The following ATXN7L1 variants were observed in gnomAD, a reference collection of about 807,000 sequenced individuals.
ATXN7L1 encodes the protein ataxin-7-like protein 1.
A neutral mutation model predicts 70.8 loss-of-function variants in ATXN7L1; 15 were observed. That is an observed-to-expected ratio of 0.21 (90% CI 0.14 to 0.33). The LOEUF is 0.33. ATXN7L1 is among the 10% of genes least tolerant of loss of function. ATXN7L1 has a pLI of 1.00. For missense variants in ATXN7L1, 975 were observed against 1,097.1 expected (o/e 0.89, Z 1.57); for synonymous variants, 440 against 445.1 (o/e 0.99, Z 0.14).
intron 3 of ATXN7L1, among the ~76,000 whole-genome samples, chr7:105,685,226 G>A (rs1356180583): frequency 6.6e-6 from 1 of 152,166 alleles, no homozygotes; most frequent in East Asian, 1.9e-4. Flanking sequence ...GAATGTCTAT[G>A]CTCTGAGGTT....
rs147354371 is a variant in ATXN7L1 at position 105,624,189 on chromosome 7, C to T, written c.1281G>A (p.Pro427=). The change falls in exon 8 of 12, where the codon CCG becomes CCA. Residue 427 remains proline, a synonymous_variant. Transcript: ENST00000419735. ...GTCGGCTGGCGAGGTCACCTCCAAC[C>T]GGTGGGAGTGGGGGCTCTGGAGTGT... is the stretch of plus-strand genomic sequence containing the variant. ...SGHTPEPPLP[P]VGGDLASRLS... The T allele has an allele frequency of 3.8e-4, 577 of 1,528,410 alleles. 2 individuals are homozygous for T. The African/African-American group carries it at 5.3e-3, about 14-fold the overall frequency. The allele number at this position is 1,528,410 out of a possible 1,614,324, so 94.7% of individuals were successfully genotyped here.
intron 3 of ATXN7L1, among the ~76,000 whole-genome samples, chr7:105,691,362 T>C (rs1790796143): frequency 6.6e-6 from 1 of 152,112 alleles, no homozygotes; most frequent in Non-Finnish European, 1.5e-5. Context: ...AAATTAATCA[T>C]CAAGAGCTAA....
At chr7:105,764,048 T>G (rs1462197922) in intron 3 of ATXN7L1, among the ~76,000 whole-genome samples, 1 of 152,064 alleles carries the variant, frequency 6.6e-6, no homozygotes, top group Non-Finnish European at 1.5e-5. Context: ...GAGATGGGGT[T>G]TCACCATGTT....
intron 2 of ATXN7L1, among the ~76,000 whole-genome samples, chr7:105,790,163 C>T (rs916107599): frequency 3.9e-5 from 6 of 152,176 alleles, no homozygotes; most frequent in East Asian, 3.9e-4. Context: ...TGGAGGAATT[C>T]GAGGGTGACT....
intron 4 of ATXN7L1, among the ~76,000 whole-genome samples, chr7:105,659,541 G>T (rs955818673): frequency 3.3e-5 from 5 of 152,198 alleles, no homozygotes; most frequent in Non-Finnish European, 7.3e-5. Flanking sequence ...TGGCAAGGAG[G>T]AAGTGAATGA....
chr7:105,660,576 C>CTTTTTTTTTTTTTTTTTTT (rs34008024), intron 4 of ATXN7L1, among the ~76,000 whole-genome samples: 1 of 78,140 alleles, frequency 1.3e-5, no homozygotes, highest in African/African-American at 5.3e-5. Flanking sequence ...CGGAAGTGAC[C>CTTTTTTTTTTTTTTTTTTT]TTTTTTTTTT....
At chr7:105,704,826 G>C (rs1356862017) in intron 3 of ATXN7L1, among the ~76,000 whole-genome samples, 1 of 151,804 alleles carries the variant, frequency 6.6e-6, no homozygotes, top group Non-Finnish European at 1.5e-5. Context: ...GGCCAGGCTG[G>C]TCTCAAACTC....
chr7:105,829,218 T>G (rs909536491), intron 2 of ATXN7L1, among the ~76,000 whole-genome samples: 1 of 152,098 alleles, frequency 6.6e-6, no homozygotes, highest in Non-Finnish European at 1.5e-5. Flanking sequence ...GGTCAGGAGT[T>G]CGAGACCAGC....
chr7:105,872,509 T>C (rs1818414940), intron 2 of ATXN7L1, among the ~76,000 whole-genome samples: 1 of 152,090 alleles, frequency 6.6e-6, no homozygotes, highest in African/African-American at 2.4e-5. Flanking sequence ...GAAGTACTGA[T>C]CCATGCTACA....
intron 3 of ATXN7L1, among the ~76,000 whole-genome samples, chr7:105,763,685 A>G (rs1303974454): frequency 2.6e-5 from 4 of 152,092 alleles, no homozygotes; most frequent in Non-Finnish European, 5.9e-5. Context: ...GAATTCCAAA[A>G]CTGGATGAAG....
chr7:105,835,401 C>A (rs4730109), intron 2 of ATXN7L1, among the ~76,000 whole-genome samples: 28,495 of 151,146 alleles, frequency 0.19, 3,467 homozygotes, highest in East Asian at 0.44. Flanking sequence ...GGGACCTGCC[C>A]ACCTCAGCCT....
At chr7:105,852,640 A>T (rs1279991415) in intron 2 of ATXN7L1, among the ~76,000 whole-genome samples, 1 of 151,794 alleles carries the variant, frequency 6.6e-6, no homozygotes. Flanking sequence ...GCTCTGATGG[A>T]GAGGTGCACC....
intron 2 of ATXN7L1, among the ~76,000 whole-genome samples, chr7:105,864,024 G>T (rs536934537): frequency 6.6e-6 from 1 of 152,248 alleles, no homozygotes; most frequent in South Asian, 2.1e-4. Context: ...TCTGTGGGTG[G>T]TCCTGGCATA....
chr7:105,716,907 A>T (rs897918774), intron 3 of ATXN7L1, among the ~76,000 whole-genome samples: 1 of 152,062 alleles, frequency 6.6e-6, no homozygotes, highest in Non-Finnish European at 1.5e-5. Context: ...AAAAAAGAAA[A>T]TTTAAAAAAT....
intron 3 of ATXN7L1, among the ~76,000 whole-genome samples, chr7:105,779,458 G>A (rs1005523174): frequency 6.6e-6 from 1 of 152,154 alleles, no homozygotes; most frequent in Non-Finnish European, 1.5e-5. Context: ...AACTTGAAGT[G>A]AAGCAAAACA....
intron 7 of ATXN7L1, among the ~76,000 whole-genome samples, chr7:105,628,748 G>A (rs566233590): frequency 5.9e-5 from 9 of 151,858 alleles, no homozygotes; most frequent in South Asian, 2.1e-4. Flanking sequence ...AGCCGAGATC[G>A]CGCCACTGTA....
chr7:105,628,584 T>A (rs1196433074), intron 7 of ATXN7L1, among the ~76,000 whole-genome samples: 2 of 151,454 alleles, frequency 1.3e-5, no homozygotes, highest in Admixed American at 6.6e-5. Flanking sequence ...GGTCAGGAGA[T>A]CGAGACCATC....
intron 3 of ATXN7L1, among the ~76,000 whole-genome samples, chr7:105,780,156 TG>T (rs1434477507): frequency 2.0e-5 from 3 of 152,194 alleles, no homozygotes; most frequent in Non-Finnish European, 4.4e-5. Flanking sequence ...AGAGGTCACC[TG>T]GAGATAGACA....
intron 3 of ATXN7L1, among the ~76,000 whole-genome samples, chr7:105,731,381 AAAGTCTCTTT>A (rs1448465683): frequency 1.3e-5 from 2 of 152,082 alleles, no homozygotes; most frequent in African/African-American, 4.8e-5. Context: ...CTTAAAAAAT[AAAGTCTCTTT>A]AAGAAGAAAA....
Sources: allele counts gnomAD v4.1 joint callset (sites outside exome capture counted in the v4.1 genomes callset), GRCh38; gene constraint gnomAD v4.1.1; transcripts MANE v1.5; gene names NCBI Gene and HGNC (gene_info 2026-07-23, HGNC 2026-07-21).